Variants in KIN observed in about 807,000 individuals in gnomAD.
KIN encodes the protein DNA/RNA-binding protein KIN17.
KIN carries 47 observed loss-of-function variants against 63.0 expected under a neutral mutation model. The observed-to-expected ratio is 0.75, with a 90% CI of 0.59 to 0.95. KIN has a LOEUF of 0.95. Among genes scored for constraint, KIN ranks in the 40% least tolerant of loss-of-function variants. The pLI, the probability that KIN is intolerant of heterozygous loss-of-function variation, is 0.00. For synonymous variants in KIN, 160 were observed against 157.7 expected (o/e 1.01, Z -0.11); for missense variants, 408 against 460.9 (o/e 0.89, Z 1.05).
Position 7,771,874 on chromosome 10 carries a change from A to G in KIN, c.669-2529T>C, listed in dbSNP as rs557452602. Among the ~76,000 whole-genome samples, 22 of 149,446 alleles carry G rather than the reference A, an allele frequency of 1.5e-4. No individual in the cohort carries two copies. The East Asian group carries it at 4.1e-3, about 28-fold the overall frequency. ...CATGCCACTGCGCTCCAGCCTGGGC[A>G]ACAAGAGCGAAATTCCGTCTCAAAA... On this transcript the variant is annotated intron_variant, in intron 7 of 12. Transcript: ENST00000379562.
At chr10:7,759,709 A>G (rs533635854) in intron 12 of KIN, 181 bp downstream of exon 12, 9 of 405,206 alleles carry the variant, frequency 2.2e-5, no homozygotes, top group African/African-American at 1.7e-4. Flanking sequence ...TTTTATAATC[A>G]GAAAATAAAA....
intron 2 of KIN, among the ~76,000 whole-genome samples, chr10:7,781,118 C>T (rs943531412): frequency 2.6e-5 from 4 of 152,112 alleles, no homozygotes; most frequent in Admixed American, 2.6e-4. Context: ...AAAAGTTAAA[C>T]TGAAGAAGAA....
At chr10:7,779,967 ATT>A in intron 4 of KIN, 87 bp downstream of exon 4, 1 of 1,425,502 alleles carries the variant, frequency 7.0e-7, no homozygotes, top group South Asian at 1.3e-5. Flanking sequence ...CACTGACCCA[ATT>A]TTTTTTCTCT....
At chr10:7,764,142 A>G (rs1835494292) in intron 9 of KIN, among the ~76,000 whole-genome samples, 2 of 152,216 alleles carry the variant, frequency 1.3e-5, no homozygotes, top group Admixed American at 1.3e-4. Flanking sequence ...TTTCCATTGC[A>G]GGAAGTGAAA....
intron 9 of KIN, 61 bp downstream of exon 9, chr10:7,765,992 T>A: frequency 1.7e-6 from 2 of 1,170,584 alleles, no homozygotes. Context: ...TACCAAATGC[T>A]AGTTAAATCA....
intron 12 of KIN, among the ~76,000 whole-genome samples, chr10:7,758,314 TCCG>T (rs1339980716): frequency 6.6e-6 from 1 of 152,016 alleles, no homozygotes; most frequent in African/African-American, 2.4e-5. Flanking sequence ...AGGTGATTCG[TCCG>T]CCTCAGCCTC....
rs561797717 is a variant in KIN at position 7,782,923 on chromosome 10, C to T, written c.209+158G>A. 5.9e-5 allele frequency among the ~76,000 whole-genome samples: 9 copies of T among 151,982 alleles called. 1 individual carries two copies. In the South Asian group the frequency reaches 1.9e-3, roughly 32 times the overall value. Reference sequence around the variant, plus strand: ...GAAATAATTTTGTAACAGTTTTATACTATGATTAATTTTCAAAAGAAGATA... The same window carrying T: ...GAAATAATTTTGTAACAGTTTTATATTATGATTAATTTTCAAAAGAAGATA... On this transcript the variant is annotated intron_variant, in intron 2 of 12. Coordinates refer to ENST00000379562, the MANE Select transcript of KIN (RefSeq NM_012311.4).
intron 1 of KIN, among the ~76,000 whole-genome samples, chr10:7,785,664 G>A (rs777328684): frequency 4.6e-5 from 7 of 152,140 alleles, no homozygotes; most frequent in Middle Eastern, 6.8e-3. Context: ...GTGGTGCCAG[G>A]CACCTGTAAT....
In KIN at chr10:7,787,900, T is replaced by C. The variant is rs781362469; in HGVS notation, c.34A>G (p.Ile12Val). ...GKSDFLTPKA[I>V]ANRIKSKGLQ... ...CCCTTGGACTTGATCCTGTTGGCGA[T>C]AGCCTTGGGAGTAAGAAAATCCGAC... The change falls in exon 1 of 13, where the codon ATC becomes GTC. Residue 12 changes from isoleucine (I) to valine (V), a missense_variant. By Grantham distance (29) the Ile-to-Val change is conservative. This residue lies in a region of KIN where 110 missense variants were observed against 164.9 expected (regional missense o/e 0.67). Transcript: ENST00000379562. 80 of 1,614,050 alleles carry C rather than the reference T, an allele frequency of 5.0e-5. No homozygotes were observed. Among genetic ancestry groups the C allele is most frequent in the Middle Eastern group, 1.6e-4 (1 of 6,084 alleles).
At chr10:7,780,846 T>C (rs1404337683) in intron 2 of KIN, among the ~76,000 whole-genome samples, 2 of 152,236 alleles carry the variant, frequency 1.3e-5, no homozygotes, top group African/African-American at 4.8e-5. Flanking sequence ...TTGAAATTTT[T>C]TGTCTTGGTA....
Position 7,759,938 on chromosome 10 carries a change from T to C in KIN, c.1071A>G (p.Leu357=). ...AAAAAGTCTTCTCATTGATGGATTC[T>C]AGGGTACCTTCATTTCCTCTGTAGC... ...NGGYRGNEGT[L]ESINEKTFSA... The change falls in exon 12 of 13, where the codon CTA becomes CTG. Residue 357 remains leucine, a synonymous_variant. Coordinates refer to ENST00000379562, the MANE Select transcript of KIN (RefSeq NM_012311.4). 1.3e-6 allele frequency: 2 copies of C among 1,576,892 alleles called. No individual in the cohort carries two copies. Among genetic ancestry groups the C allele is most frequent in the Non-Finnish European group, 1.7e-6 (2 of 1,159,638 alleles).
chr10:7,767,790 T>C (rs1195263458), intron 8 of KIN, among the ~76,000 whole-genome samples: 3 of 144,984 alleles, frequency 2.1e-5, no homozygotes, highest in African/African-American at 7.8e-5. Flanking sequence ...ACCTGGGAGG[T>C]AGATGGTGCA....
intron 9 of KIN, among the ~76,000 whole-genome samples, chr10:7,765,429 T>C (rs1185227145): frequency 7.5e-6 from 1 of 133,932 alleles, no homozygotes; most frequent in African/African-American, 2.5e-5. Flanking sequence ...ACCCTGTCTC[T>C]ATTTAAAAAT....
chr10:7,769,079 G>T (rs1402128122), intron 8 of KIN, 137 bp downstream of exon 8: 4 of 679,498 alleles, frequency 5.9e-6, no homozygotes, highest in Non-Finnish European at 9.4e-6. Context: ...CCAGTTCGGG[G>T]AACTGTATGT....
At chr10:7,762,303 C>T (rs1446963701) in intron 11 of KIN, among the ~76,000 whole-genome samples, 154 bp downstream of exon 11, 1 of 151,662 alleles carries the variant, frequency 6.6e-6, no homozygotes, top group Admixed American at 6.6e-5. Flanking sequence ...AACTACGATG[C>T]CCTTGAATCC....
At chr10:7,757,624 G>A (rs1204131961) in intron 12 of KIN, among the ~76,000 whole-genome samples, 2 of 151,990 alleles carry the variant, frequency 1.3e-5, no homozygotes, top group African/African-American at 2.4e-5. Context: ...CAATGATGAT[G>A]ACTCTAACCC....
At position 7,778,839 on chromosome 10, in the gene KIN, T is replaced by A; in HGVS notation, c.557A>T (p.Gln186Leu). The A allele has an allele frequency of 6.2e-7, 1 of 1,613,626 alleles. No individual in the cohort carries two copies. The highest frequency in any genetic ancestry group is 8.5e-7 in the Non-Finnish European group (1 of 1,179,936). Residue 186 changes from glutamine (Q) to leucine (L), a missense_variant and splice_region_variant, in exon 5 of 13, where the codon CAG (glutamine) becomes CTG (leucine). By Grantham distance (113) the Gln-to-Leu change is moderately radical (BLOSUM62 -2). Transcript: ENST00000379562. ...CTCAGGATGATGTTGCTTACCCACC[T>A]GTTCCTTCCCTTCCAGGCCTCTTCT... is the stretch of plus-strand genomic sequence containing the variant. ...QVRRGLEGKE[Q>L]EVPTFTELSR...
In KIN at chr10:7,752,492, A is replaced by G. The variant is rs1835258858; in HGVS notation, c.*3588T>C. On this transcript the variant is annotated 3_prime_UTR_variant, in exon 13 of 13. Transcript: ENST00000379562. The stretch of plus-strand genomic sequence containing the variant: ...TGCTCGTTTGAATACAAAATGGTAC[A>G]GTCACTCTGGAAGACAGGTTGGTAG... 6.6e-6 allele frequency: 1 copy of G among 152,244 alleles called. No individual in the cohort carries two copies. Among genetic ancestry groups the G allele is most frequent in the South Asian group, 2.1e-4 (1 of 4,830 alleles). 9.4% of individuals were successfully genotyped at this position (152,244 alleles called of 1,614,324 possible). A position where few individuals can be genotyped will look rare whatever the true frequency, so the allele number is the denominator to read the frequency against.
intron 6 of KIN, 31 bp downstream of exon 6, chr10:7,775,720 T>TA: frequency 2.3e-6 from 3 of 1,289,370 alleles, no homozygotes; most frequent in Non-Finnish European, 2.2e-6. Flanking sequence ...CATCTATGTT[T>TA]AAAAAAAGAA....
Sources: gnomAD v4.1 joint callset for allele counts (sites outside exome capture counted in the v4.1 genomes callset) on GRCh38, gnomAD v4.1.1 for gene constraint, gnomAD v4.1.1 regional missense constraint, MANE v1.5 for transcripts, NCBI Gene and HGNC (gene_info 2026-07-23, HGNC 2026-07-21) for gene names.